Variants in CRACDL observed in about 807,000 individuals in gnomAD.
The protein encoded by CRACDL is CRACD-like protein.
In CRACDL, 26 loss-of-function variants were observed where a neutral mutation model predicts 70.6. The ratio of observed to expected loss-of-function variants is 0.37; its 90% CI spans 0.27 to 0.51. The LOEUF is 0.51. Among genes scored for constraint, CRACDL ranks in the 20% least tolerant of loss-of-function variants. The pLI is 0.94. For missense variants in CRACDL, 1,283 were observed against 1,376.9 expected (o/e 0.93, Z 1.08); for synonymous variants, 618 against 615.2 (o/e 1.00, Z -0.07).
In CRACDL at chr2:98,905,229, G is replaced by A. The variant is rs181426474; in HGVS notation, c.-11+30709C>T. Among the ~76,000 whole-genome samples the A allele has an allele frequency of 4.4e-5, 6 of 137,442 alleles. No homozygotes were observed. The East Asian group carries it at 1.3e-3, about 29-fold the overall frequency. The allele number at this position is 137,442 out of a possible 152,430, so 90.2% of individuals were successfully genotyped here. ...TGCACCACTGCACTCCAGCCTGGGT[G>A]ACAGAGCCAGACTCTGTCTCAAAAA... is the stretch of plus-strand genomic sequence containing the variant. On this transcript the variant is annotated intron_variant, in intron 1 of 9. Coordinates refer to ENST00000397899, the MANE Select transcript of CRACDL (RefSeq NM_207362.3).
At chr2:98,866,649 G>A (rs1027268158) in intron 1 of CRACDL, among the ~76,000 whole-genome samples, 13 of 151,050 alleles carry the variant, frequency 8.6e-5, no homozygotes, top group African/African-American at 2.9e-4. Context: ...CACCACGCAG[G>A]CTAATTTTTT....
At chr2:98,798,156 T>G (rs1371011484) in intron 7 of CRACDL, among the ~76,000 whole-genome samples, 1 of 151,974 alleles carries the variant, frequency 6.6e-6, no homozygotes, top group Non-Finnish European at 1.5e-5. Flanking sequence ...ACCAACTTGG[T>G]CAACATGGCA....
intron 1 of CRACDL, among the ~76,000 whole-genome samples, chr2:98,866,088 A>G (rs979118803): frequency 5.9e-5 from 9 of 152,176 alleles, no homozygotes; most frequent in African/African-American, 2.2e-4. Flanking sequence ...CTGCTCTGAC[A>G]TATAAGAGAA....
intron 9 of CRACDL, 150 bp from the exon 10 acceptor site, chr2:98,794,821 T>C: frequency 1.6e-6 from 1 of 610,550 alleles, no homozygotes; most frequent in Non-Finnish European, 2.7e-6. Flanking sequence ...TAAGGAAGAT[T>C]TGGGCCTAGA....
At chr2:98,815,034 T>C (rs185591238) in intron 7 of CRACDL, among the ~76,000 whole-genome samples, 2 of 152,286 alleles carry the variant, frequency 1.3e-5, no homozygotes, top group African/African-American at 2.4e-5. Flanking sequence ...TTTCTATCTT[T>C]ATAGCTTCTA....
At position 98,915,825 on chromosome 2, in the gene CRACDL, G is replaced by A. The variant is rs77581034; in HGVS notation, c.-11+20113C>T. 9.9e-3 allele frequency among the ~76,000 whole-genome samples: 1,503 copies of A among 152,070 alleles called. 32 individuals carry two copies. The highest frequency in any genetic ancestry group is 0.074 in the East Asian group (384 of 5,156). ...ACAAAGGCAATTACTAAGCACATCC[G>A]CTGACCACCACTAAACCTCCTGGCA... On this transcript the variant is annotated intron_variant, in intron 1 of 9. Transcript: ENST00000397899.
chr2:98,798,173 C>T (rs796986071), intron 7 of CRACDL, among the ~76,000 whole-genome samples: 5 of 152,184 alleles, frequency 3.3e-5, no homozygotes, highest in African/African-American at 9.6e-5. Context: ...GGCAAAACCC[C>T]GTCTCTACTA....
At chr2:98,852,009 C>T (rs1406410830) in intron 1 of CRACDL, among the ~76,000 whole-genome samples, 1 of 151,890 alleles carries the variant, frequency 6.6e-6, no homozygotes, top group African/African-American at 2.4e-5. Flanking sequence ...GGGCTTTTGA[C>T]CTGGAAAAGC....
At chr2:98,794,909 T>C (rs904247280) in intron 9 of CRACDL, among the ~76,000 whole-genome samples, 1 of 151,658 alleles carries the variant, frequency 6.6e-6, no homozygotes, top group African/African-American at 2.4e-5. Flanking sequence ...AGAGAGACTT[T>C]GGAAATAAAA....
intron 9 of CRACDL, 101 bp downstream of exon 9, chr2:98,796,019 G>C (rs1465441171): frequency 5.6e-6 from 6 of 1,079,004 alleles, no homozygotes; most frequent in Non-Finnish European, 8.6e-6. Flanking sequence ...ACTCAATGTT[G>C]CAAGTAATTT....
intron 3 of CRACDL, among the ~76,000 whole-genome samples, chr2:98,836,781 G>A (rs1705801606): frequency 1.3e-5 from 2 of 152,074 alleles, no homozygotes; most frequent in Non-Finnish European, 2.9e-5. Flanking sequence ...TCAGAGAACC[G>A]CCTAAAAAAA....
chr2:98,835,034 A>G (rs1409337173), intron 3 of CRACDL, among the ~76,000 whole-genome samples: 1 of 152,222 alleles, frequency 6.6e-6, no homozygotes, highest in African/African-American at 2.4e-5. Context: ...TAACTTCCAT[A>G]TAGGGAAGGG....
chr2:98,920,504 G>A (rs917563962), intron 1 of CRACDL, among the ~76,000 whole-genome samples: 1 of 152,172 alleles, frequency 6.6e-6, no homozygotes, highest in African/African-American at 2.4e-5. Flanking sequence ...ACTTTCCTGC[G>A]GGACACAGGA....
At chr2:98,911,400 C>T (rs927590626) in intron 1 of CRACDL, among the ~76,000 whole-genome samples, 1 of 152,160 alleles carries the variant, frequency 6.6e-6, no homozygotes, top group Non-Finnish European at 1.5e-5. Flanking sequence ...TAGCAAGGGG[C>T]CTCCACATGC....
chr2:98,837,159 C>A (rs1217645760), intron 3 of CRACDL, among the ~76,000 whole-genome samples: 1 of 150,762 alleles, frequency 6.6e-6, no homozygotes, highest in Non-Finnish European at 1.5e-5. Context: ...CTATTACATT[C>A]CCTGCTAGCA....
At chr2:98,871,300 C>T (rs2104598030) in intron 1 of CRACDL, among the ~76,000 whole-genome samples, 1 of 152,262 alleles carries the variant, frequency 6.6e-6, no homozygotes, top group East Asian at 1.9e-4. Flanking sequence ...CTCCTTAGGC[C>T]CTGGGCTCAT....
chr2:98,859,751 G>C (rs917878723), intron 1 of CRACDL, among the ~76,000 whole-genome samples: 2 of 152,144 alleles, frequency 1.3e-5, no homozygotes, highest in African/African-American at 4.8e-5. Flanking sequence ...TAAGAAAAAA[G>C]ACAAGGACAT....
At position 98,822,312 on chromosome 2, in the gene CRACDL, G is replaced by A; in HGVS notation, c.1961C>T (p.Pro654Leu). The A allele has an allele frequency of 6.7e-7, 1 of 1,496,242 alleles. No individual in the cohort carries two copies. The highest frequency in any genetic ancestry group is 1.3e-5 in the South Asian group (1 of 77,716). The allele number at this position is 1,496,242 out of a possible 1,614,324, so 92.7% of individuals were successfully genotyped here. The stretch of plus-strand genomic sequence containing the variant: ...GCCGGGCGCGGCGGCCGCCTCCTGA[G>A]GGCTCTTGCGCGGCCCGGCCGGGCT... ...AASPAGPRKS[P>L]QEAAAAPGTR... Residue 654 changes from proline to leucine, a missense_variant, in exon 7 of 10, where the codon CCT becomes CTT. Physicochemically the swap from Pro to Leu is moderately conservative, Grantham distance 98 (BLOSUM62 -3). Coordinates refer to ENST00000397899, the MANE Select transcript of CRACDL (RefSeq NM_207362.3). This position sits in a 1 kb window ranked among gnomAD's most constrained non-coding sequence, Gnocchi z 4.9.
chr2:98,807,862 G>C (rs1265446492), intron 7 of CRACDL, among the ~76,000 whole-genome samples: 1 of 152,134 alleles, frequency 6.6e-6, no homozygotes, highest in Non-Finnish European at 1.5e-5. Context: ...GAAGTATTAT[G>C]GTGCCTTGAC....
Sources: gnomAD v4.1 joint callset for allele counts (sites outside exome capture counted in the v4.1 genomes callset) on GRCh38, gnomAD v4.1.1 for gene constraint, Gnocchi (gnomAD v3.1) non-coding constraint, MANE v1.5 for transcripts, NCBI Gene and HGNC (gene_info 2026-07-23, HGNC 2026-07-21) for gene names.